KIF26B: variants seen among roughly 807,000 people sequenced by gnomAD.
KIF26B encodes the protein kinesin-like protein KIF26B.
KIF26B carries 63 observed loss-of-function variants against 151.2 expected under a neutral mutation model. The observed-to-expected ratio is 0.42, with a 90% CI of 0.34 to 0.51. KIF26B has a LOEUF of 0.51. Ranked by LOEUF, KIF26B falls within the 20% of genes least tolerant of loss-of-function variation. The probability of loss-of-function intolerance (pLI) is 0.07; values close to 1 mark genes in which losing one functional copy is unlikely to be tolerated. For synonymous variants in KIF26B, 1,357 were observed against 1,262.1 expected, an observed-to-expected ratio of 1.08 and a Z score of -1.59; for missense variants, 2,813 against 2,913.6, an observed-to-expected ratio of 0.97 and a Z score of 0.79.
At chr1:245,652,611 A>G (rs1015714010) in intron 10 of KIF26B, among the ~76,000 whole-genome samples, 1 of 152,188 alleles carries the variant, frequency 6.6e-6, no homozygotes, top group African/African-American at 2.4e-5. Flanking sequence ...CAGGCTCATT[A>G]TAGAACCACG....
intron 2 of KIF26B, among the ~76,000 whole-genome samples, chr1:245,288,848 C>A (rs775213297): frequency 1.3e-5 from 2 of 152,078 alleles, no homozygotes; most frequent in Non-Finnish European, 2.9e-5. Context: ...CAATTGAATA[C>A]CCTGTTTTCA....
At chr1:245,163,959 T>C (rs547664486) in intron 2 of KIF26B, among the ~76,000 whole-genome samples, 1 of 152,352 alleles carries the variant, frequency 6.6e-6, no homozygotes, top group Non-Finnish European at 1.5e-5. Context: ...CTTCCTTTGC[T>C]ATTTTTATGC....
chr1:245,607,301 T>C (rs74154478), intron 6 of KIF26B, among the ~76,000 whole-genome samples: 3,989 of 152,170 alleles, frequency 0.026, 166 homozygotes, highest in African/African-American at 0.092. Context: ...TTTAAAGACC[T>C]TATCCGGGAC....
chr1:245,440,619 C>G (rs10924199), intron 4 of KIF26B, among the ~76,000 whole-genome samples: 59,058 of 152,130 alleles, frequency 0.39, 13,371 homozygotes, highest in East Asian at 0.59. Context: ...CACAGCCTGC[C>G]TCTCTTGCAC....
intron 2 of KIF26B, among the ~76,000 whole-genome samples, chr1:245,177,095 C>T (rs1668821497): frequency 6.6e-6 from 1 of 152,204 alleles, no homozygotes; most frequent in African/African-American, 2.4e-5. Flanking sequence ...GCTGGGACTA[C>T]AGGTGTGTGC....
At chr1:245,671,421 T>C (rs895581435) in intron 10 of KIF26B, among the ~76,000 whole-genome samples, 1 of 152,190 alleles carries the variant, frequency 6.6e-6, no homozygotes, top group African/African-American at 2.4e-5. Context: ...ACAAGGTACC[T>C]GGCACAGGCA....
chr1:245,541,918 C>T (rs1186835244), intron 5 of KIF26B, among the ~76,000 whole-genome samples: 1 of 152,204 alleles, frequency 6.6e-6, no homozygotes, highest in East Asian at 1.9e-4. Context: ...TCTCCCCTTG[C>T]ACCCTCTACC....
chr1:245,417,078 C>T lies in KIF26B; in HGVS notation c.1000-2501C>T, dbSNP rs114919553. On this transcript the variant is annotated intron_variant, in intron 3 of 14. Coordinates refer to ENST00000407071, the MANE Select transcript of KIF26B (RefSeq NM_018012.4). The stretch of plus-strand genomic sequence containing the variant: ...AGAAATAAGGACATGGACCTGCCCC[C>T]GCCCCATCATGACACTGGCTGTGTC... Among the ~76,000 whole-genome samples the T allele has an allele frequency of 2.3e-3, 349 of 150,624 alleles. 1 individual carries two copies. Among genetic ancestry groups the T allele is most frequent in the African/African-American group, 7.8e-3 (322 of 41,220 alleles).
chr1:245,368,422 G>A (rs935613766), intron 3 of KIF26B, among the ~76,000 whole-genome samples: 5 of 152,254 alleles, frequency 3.3e-5, no homozygotes, highest in African/African-American at 1.2e-4. Context: ...GACCGTCACT[G>A]GAATGGAGAG....
At chr1:245,559,957 C>T (rs904589666) in intron 5 of KIF26B, among the ~76,000 whole-genome samples, 2 of 151,912 alleles carry the variant, frequency 1.3e-5, no homozygotes, top group Non-Finnish European at 2.9e-5. Context: ...ATGTTACCGA[C>T]GTGCCTCCCG....
rs148785501 is a variant in KIF26B at position 245,478,391 on chromosome 1, T to C, written c.1166+58646T>C. On this transcript the variant is annotated intron_variant, in intron 4 of 14. Transcript: ENST00000407071. Reference sequence around the variant, plus strand: ...AGCATTGCTTTTCTCCTGTGTGAAATGGGAACCATCGCAGTGTTTTCACCA... The same window carrying C: ...AGCATTGCTTTTCTCCTGTGTGAAACGGGAACCATCGCAGTGTTTTCACCA... 1.0e-3 allele frequency among the ~76,000 whole-genome samples: 151 copies of C among 150,328 alleles called. 5 individuals carry two copies. The highest frequency in any genetic ancestry group is 5.5e-3 in the South Asian group (26 of 4,696).
intron 10 of KIF26B, among the ~76,000 whole-genome samples, chr1:245,670,012 C>T (rs2044263493): frequency 6.6e-6 from 1 of 151,998 alleles, no homozygotes; most frequent in South Asian, 2.1e-4. Context: ...GATTAAAACG[C>T]TACATTTTGG....
rs996853465 is a variant in KIF26B at position 245,218,506 on chromosome 1, C to T, written c.465+61823C>T. ...AGCAGGAGGGTATTGGGTGTGGGGC[C>T]GATGGTTTTCACTCAATCCGCCGGG... On this transcript the variant is annotated intron_variant, in intron 2 of 14. Transcript: ENST00000407071. This position sits in a 1 kb window ranked among gnomAD's most constrained non-coding sequence, Gnocchi z 4.1. 2.6e-4 allele frequency among the ~76,000 whole-genome samples: 40 copies of T among 151,966 alleles called. No individual in the cohort carries two copies. The highest frequency in any genetic ancestry group is 9.2e-4 in the African/African-American group (38 of 41,342).
chr1:245,497,199 A>G (rs1315159694), intron 4 of KIF26B, among the ~76,000 whole-genome samples: 1 of 152,088 alleles, frequency 6.6e-6, no homozygotes, highest in African/African-American at 2.4e-5. Flanking sequence ...CATTAATGTT[A>G]AATAGCCAAA....
At chr1:245,635,306 T>A (rs185299458) in intron 9 of KIF26B, among the ~76,000 whole-genome samples, 1 of 152,098 alleles carries the variant, frequency 6.6e-6, no homozygotes, top group Non-Finnish European at 1.5e-5. Context: ...CAGATTCTAT[T>A]TCTTTAATGA....
intron 4 of KIF26B, among the ~76,000 whole-genome samples, chr1:245,501,901 A>C (rs947604025): frequency 6.6e-6 from 1 of 152,206 alleles, no homozygotes; most frequent in Admixed American, 6.5e-5. Flanking sequence ...TACCTACTGC[A>C]CTGCCGCACA....
At chr1:245,204,089 G>A (rs1002454064) in intron 2 of KIF26B, among the ~76,000 whole-genome samples, 1 of 152,186 alleles carries the variant, frequency 6.6e-6, no homozygotes, top group Non-Finnish European at 1.5e-5. Context: ...CGCAGATGCT[G>A]TAGGTTTACT....
intron 5 of KIF26B, among the ~76,000 whole-genome samples, chr1:245,574,614 T>A (rs538839804): frequency 1.3e-5 from 2 of 152,222 alleles, no homozygotes; most frequent in African/African-American, 2.4e-5. Flanking sequence ...GGAGTCCACC[T>A]TCTGCCCCTC....
intron 2 of KIF26B, among the ~76,000 whole-genome samples, chr1:245,288,213 C>T (rs192973829): frequency 3.5e-4 from 54 of 152,240 alleles, no homozygotes; most frequent in African/African-American, 1.0e-3. Flanking sequence ...TTCGGAGCAT[C>T]GTAATCATTT....
Sources: allele counts gnomAD v4.1 joint callset (sites outside exome capture counted in the v4.1 genomes callset), GRCh38; gene constraint gnomAD v4.1.1; non-coding constraint Gnocchi (gnomAD v3.1); transcripts MANE v1.5; gene names NCBI Gene and HGNC (gene_info 2026-07-23, HGNC 2026-07-21).